MYO10: variants seen among roughly 807,000 people sequenced by gnomAD.
The protein encoded by MYO10 is myosin X.
In MYO10, 133 loss-of-function variants were observed where a neutral mutation model predicts 257.3. The observed-to-expected ratio is 0.52, with a 90% CI of 0.45 to 0.60. MYO10 has a LOEUF of 0.60. Ranked by LOEUF, MYO10 falls within the 20% of genes least tolerant of loss-of-function variation. The pLI, the probability that MYO10 is intolerant of heterozygous loss-of-function variation, is 0.00. For synonymous variants in MYO10, 1,104 were observed against 1,028.6 expected (o/e 1.07, Z -1.40); for missense variants, 2,399 against 2,635.7 (o/e 0.91, Z 1.97).
chr5:16,821,059 T>C (rs1742786072), intron 2 of MYO10, among the ~76,000 whole-genome samples: 1 of 147,398 alleles, frequency 6.8e-6, no homozygotes, highest in African/African-American at 2.5e-5. Flanking sequence ...ATATGTATAA[T>C]ATATAATATA....
rs115735675 is a variant in MYO10 at position 16,845,398 on chromosome 5, G to A, written c.121-27231C>T. On this transcript the variant is annotated intron_variant, in intron 2 of 40. Transcript: ENST00000513610. ...AATGTCTTTTAGGCTGGGTGCAGTG[G>A]GCTCTCACCTGTAATCCCAATATTT... Among the ~76,000 whole-genome samples the A allele has an allele frequency of 3.8e-3, 575 of 152,224 alleles. 4 individuals are homozygous for A. The highest frequency in any genetic ancestry group is 0.013 in the African/African-American group (539 of 41,536).
At chr5:16,921,011 G>A (rs1808557) in intron 1 of MYO10, among the ~76,000 whole-genome samples, 3,633 of 151,992 alleles carry the variant, frequency 0.024, 168 homozygotes, top group African/African-American at 0.084. Flanking sequence ...CCAGCTACTC[G>A]GCAGGCTGAG....
chr5:16,922,702 T>C (rs566559058), intron 1 of MYO10, among the ~76,000 whole-genome samples: 2 of 152,250 alleles, frequency 1.3e-5, no homozygotes, highest in African/African-American at 2.4e-5. Context: ...TTTCTGAGAA[T>C]GGTTAGCTCA....
intron 3 of MYO10, among the ~76,000 whole-genome samples, chr5:16,807,190 C>G (rs1282006830): frequency 1.3e-5 from 2 of 152,174 alleles, no homozygotes; most frequent in African/African-American, 2.4e-5. Context: ...CTTCCTAAAT[C>G]TTTATCTTGA....
At chr5:16,879,189 AT>A (rs1329367306) in intron 1 of MYO10, among the ~76,000 whole-genome samples, 2 of 152,004 alleles carry the variant, frequency 1.3e-5, no homozygotes, top group African/African-American at 2.4e-5. Flanking sequence ...ATAGCACTTG[AT>A]TTTTTTCTCC....
At chr5:16,882,422 CA>C (rs1297157689) in intron 1 of MYO10, among the ~76,000 whole-genome samples, 4 of 151,476 alleles carry the variant, frequency 2.6e-5, no homozygotes, top group Admixed American at 1.3e-4. Flanking sequence ...GTTGTTTACT[CA>C]AAAAAAAATT....
At chr5:16,694,962 T>C (rs939234903) in intron 26 of MYO10, among the ~76,000 whole-genome samples, 2 of 152,232 alleles carry the variant, frequency 1.3e-5, no homozygotes, top group African/African-American at 4.8e-5. Context: ...TGTCCCTATG[T>C]ATGGATCAGG....
chr5:16,907,690 G>A (rs1404337015), intron 1 of MYO10, among the ~76,000 whole-genome samples: 2 of 152,140 alleles, frequency 1.3e-5, no homozygotes, highest in East Asian at 3.8e-4. Flanking sequence ...ACAACTCACT[G>A]TGGGAAAAGG....
At chr5:16,839,597 G>T (rs987645883) in intron 2 of MYO10, among the ~76,000 whole-genome samples, 1 of 151,992 alleles carries the variant, frequency 6.6e-6, no homozygotes, top group Non-Finnish European at 1.5e-5. Flanking sequence ...ACAAAAATTA[G>T]CCAGGCACGG....
intron 19 of MYO10, among the ~76,000 whole-genome samples, chr5:16,752,683 C>T (rs950774783): frequency 1.3e-5 from 2 of 152,184 alleles, no homozygotes; most frequent in Non-Finnish European, 2.9e-5. Flanking sequence ...AGAACGCCAT[C>T]GGATACTGAG....
intron 29 of MYO10, 48 bp downstream of exon 29, chr5:16,685,690 T>TC: frequency 4.0e-6 from 5 of 1,243,144 alleles, no homozygotes; most frequent in Non-Finnish European, 4.6e-6. Flanking sequence ...GCCCTCCCCG[T>TC]CCCTGCCCCT....
intron 19 of MYO10, among the ~76,000 whole-genome samples, chr5:16,725,907 C>G (rs553672443): frequency 6.6e-6 from 1 of 151,908 alleles, no homozygotes; most frequent in Non-Finnish European, 1.5e-5. Flanking sequence ...CCTGCCTCAG[C>G]CTCCCAAGTA....
chr5:16,740,674 A>G (rs1172314581), intron 19 of MYO10, among the ~76,000 whole-genome samples: 3 of 152,122 alleles, frequency 2.0e-5, no homozygotes, highest in Admixed American at 2.0e-4. Context: ...TCTGTATTCC[A>G]TCATTCCAGC....
chr5:16,754,448 GGAAA>G (rs548884282), intron 19 of MYO10, among the ~76,000 whole-genome samples: 46 of 149,570 alleles, frequency 3.1e-4, no homozygotes, highest in African/African-American at 8.6e-4. Context: ...AAAAAAAGAA[GGAAA>G]GAAAGACAAA....
intron 2 of MYO10, among the ~76,000 whole-genome samples, chr5:16,869,993 T>A (rs1286490670): frequency 1.3e-5 from 2 of 151,274 alleles, no homozygotes; most frequent in Admixed American, 6.6e-5. Flanking sequence ...CCTTTAGTGA[T>A]CTCACACGAA....
At chr5:16,805,292 G>A (rs538468879) in intron 3 of MYO10, among the ~76,000 whole-genome samples, 13 of 151,612 alleles carry the variant, frequency 8.6e-5, no homozygotes, top group Non-Finnish European at 1.6e-4. Context: ...GTGAAACCCC[G>A]TCTCTACTAA....
At chr5:16,727,492 C>G (rs796290823) in intron 19 of MYO10, among the ~76,000 whole-genome samples, 1 of 152,152 alleles carries the variant, frequency 6.6e-6, no homozygotes, top group Non-Finnish European at 1.5e-5. Flanking sequence ...AAAAACAATG[C>G]TCATGCAAAT....
At chr5:16,666,966 G>C (rs1229680853) in intron 40 of MYO10, among the ~76,000 whole-genome samples, 173 bp from the exon 41 acceptor site, 1 of 152,208 alleles carries the variant, frequency 6.6e-6, no homozygotes, top group Non-Finnish European at 1.5e-5. Flanking sequence ...CCTCATCAGG[G>C]AAAGGTGGAA....
intron 1 of MYO10, among the ~76,000 whole-genome samples, chr5:16,917,119 C>CA (rs1200209971): frequency 6.6e-6 from 1 of 152,084 alleles, no homozygotes; most frequent in African/African-American, 2.4e-5. Context: ...ATAAAACAAA[C>CA]ATATAACTAT....
Sources: gnomAD v4.1 joint callset for allele counts (sites outside exome capture counted in the v4.1 genomes callset) on GRCh38, gnomAD v4.1.1 for gene constraint, MANE v1.5 for transcripts, NCBI Gene and HGNC (gene_info 2026-07-23, HGNC 2026-07-21) for gene names.